HAUS3: variants seen among roughly 807,000 people sequenced by gnomAD.
HAUS3 encodes HAUS augmin like complex subunit 3, also known as HAUS augmin-like complex subunit 3.
Under a neutral mutation model 55.2 loss-of-function variants are expected in HAUS3, and 36 were observed. That is an observed-to-expected ratio of 0.65 (90% CI 0.50 to 0.86). HAUS3 has a LOEUF of 0.86. HAUS3 is among the 40% of genes least tolerant of loss of function. The probability of loss-of-function intolerance (pLI) is 0.00; values close to 1 mark genes in which losing one functional copy is unlikely to be tolerated. For missense variants in HAUS3, 752 were observed against 671.5 expected (o/e 1.12, Z -1.33); for synonymous variants, 234 against 238.6 (o/e 0.98, Z 0.18).
chr4:2,236,876 T>G (rs1445186824), intron 4 of HAUS3, among the ~76,000 whole-genome samples: 1 of 149,010 alleles, frequency 6.7e-6, no homozygotes, highest in Non-Finnish European at 1.5e-5. Context: ...ATAATAATAA[T>G]AATAATTATA....
At chr4:2,241,480 T>G in intron 2 of HAUS3, 40 bp downstream of exon 2, 1 of 985,168 alleles carries the variant, frequency 1.0e-6, no homozygotes, top group Non-Finnish European at 1.2e-6. Flanking sequence ...AAGACGCAAA[T>G]AAGCATGGCA....
rs536485175 is a variant in HAUS3 at position 2,241,465 on chromosome 4, G to A, written c.-148+55C>T. 6 of 981,156 alleles carry A rather than the reference G, an allele frequency of 6.1e-6. No homozygotes were observed. In the Admixed American group the frequency reaches 3.7e-4, roughly 60 times the overall value. 60.8% of individuals were successfully genotyped at this position (981,156 alleles called of 1,614,324 possible). A position where few individuals can be genotyped will look rare whatever the true frequency, so the allele number is the denominator to read the frequency against. On this transcript the variant is annotated intron_variant, in intron 2 of 5. Transcript: ENST00000443786. ...AGCCTCTCTTCCCTGCCCTCCGTAC[G>A]TAAGAAGACGCAAATAAGCATGGCA...
intron 5 of HAUS3, 40 bp downstream of exon 5, chr4:2,236,188 T>C (rs1251622013): frequency 7.8e-7 from 1 of 1,274,930 alleles, no homozygotes; most frequent in Non-Finnish European, 1.1e-6. Context: ...AACAAGCATT[T>C]TTTTAAAAAG....
chr4:2,239,986 C>G lies in HAUS3; in HGVS notation c.909+52G>C, dbSNP rs537694693. The G allele has an allele frequency of 1.6e-5, 22 of 1,388,046 alleles. No individual in the cohort carries two copies. In the Admixed American group the frequency reaches 4.0e-4, roughly 25 times the overall value. 86.0% of individuals were successfully genotyped at this position (1,388,046 alleles called of 1,614,324 possible). On this transcript the variant is annotated intron_variant, in intron 3 of 5. Transcript: ENST00000443786. ...TACTTTAACAGCAATATTATCTCCT[C>G]TATTCCTAACAATAATTACAATGTG...
chr4:2,240,542 CAG>C lies in HAUS3; in HGVS notation c.403_404del (p.Leu135GlufsTer5), dbSNP rs758954408. 3 of 1,613,686 alleles carry C rather than the reference CAG, an allele frequency of 1.9e-6. No individual in the cohort carries two copies. The Admixed American group carries it at 5.0e-5, about 27-fold the overall frequency. ...LMASVTSHKS[L>X]RLNAKEEEAT... ...CTTCTTCTTCTTTAGCATTTAACCTCAGAGATTTGTGGCTAGTTACTGAAGCC... is the reference window on the plus strand; with the variant it reads ...CTTCTTCTTCTTTAGCATTTAACCTCAGATTTGTGGCTAGTTACTGAAGCC... On this transcript the variant is annotated frameshift_variant, in exon 3 of 6. Transcript: ENST00000443786. LOFTEE classifies it high-confidence loss of function.
In HAUS3 at chr4:2,236,284, C is replaced by T; in HGVS notation, c.1522G>A (p.Asp508Asn). The change falls in exon 5 of 6, where the codon GAC becomes AAC. Residue 508 changes from aspartate to asparagine, a missense_variant. By Grantham distance (23) the Asp-to-Asn change is conservative. Transcript: ENST00000443786. ...FFLSKRNKDV[D>N]MLCDTLYQGG... Reference sequence around the variant, plus strand: ...TGATACAAAGTATCACAAAGCATGTCCACATCCTTATTCCGTTTGGACAGA... The same window carrying T: ...TGATACAAAGTATCACAAAGCATGTTCACATCCTTATTCCGTTTGGACAGA... 6.2e-7 allele frequency: 1 copy of T among 1,613,654 alleles called. No homozygotes were observed. Among genetic ancestry groups the T allele is most frequent in the Non-Finnish European group, 8.5e-7 (1 of 1,179,832 alleles).
At position 2,229,218 on chromosome 4, in the gene HAUS3, T is replaced by C; in HGVS notation, c.*2709A>G. On this transcript the variant is annotated 3_prime_UTR_variant, in exon 6 of 6. Transcript: ENST00000443786. ...ACAGAGATCAAAGCCTACCAATGCC[T>C]CATAATTTTCCATTTTCACAAAATC... The C allele has an allele frequency of 6.3e-7, 1 of 1,598,428 alleles. No individual in the cohort carries two copies. The highest frequency in any genetic ancestry group is 8.5e-7 in the Non-Finnish European group (1 of 1,173,540).
chr4:2,237,945 A>T (rs1734824535), intron 4 of HAUS3, among the ~76,000 whole-genome samples: 2 of 152,162 alleles, frequency 1.3e-5, no homozygotes, highest in South Asian at 4.1e-4. Context: ...ATAGATCATA[A>T]TGTCAGTGGT....
chr4:2,231,749 A>G lies in HAUS3; in HGVS notation c.*178T>C. 2.2e-6 allele frequency: 1 copy of G among 462,842 alleles called. No individual in the cohort carries two copies. Among genetic ancestry groups the G allele is most frequent in the Admixed American group, 4.4e-5 (1 of 22,676 alleles). The allele number at this position is 462,842 out of a possible 1,614,324, so 28.7% of individuals were successfully genotyped here. Reference sequence around the variant, plus strand: ...ACTAAACACATGCTCAAGTCATAAAAAGCACTGGTATTCTGAATGTACTAC... The same window carrying G: ...ACTAAACACATGCTCAAGTCATAAAGAGCACTGGTATTCTGAATGTACTAC... On this transcript the variant is annotated 3_prime_UTR_variant, in exon 6 of 6. Coordinates refer to ENST00000443786, the MANE Select transcript of HAUS3 (RefSeq NM_001303143.2).
rs1037447834 is a variant in HAUS3 at position 2,236,230 on chromosome 4, G to C, written c.1576C>G (p.Gln526Glu). 1.3e-6 allele frequency: 2 copies of C among 1,591,576 alleles called. No individual in the cohort carries two copies. ...QGGNQLLLSDQELTEQFHKVE... is the reference protein window; with the variant it reads ...QGGNQLLLSDEELTEQFHKVE... ...TAACTACTATGGCAAATACCCACCT[G>C]ATCACTAAGCAAAAGCTGATTTCCT... The change falls in exon 5 of 6, where the codon CAG becomes GAG. Residue 526 changes from glutamine (Q) to glutamate (E), a missense_variant and splice_region_variant. Coordinates refer to ENST00000443786, the MANE Select transcript of HAUS3 (RefSeq NM_001303143.2).
Position 2,238,911 on chromosome 4 carries a change from T to C in HAUS3, c.1042A>G (p.Asn348Asp), listed in dbSNP as rs760582783. Residue 348 changes from asparagine to aspartate, a missense_variant, in exon 4 of 6, where the codon AAT (asparagine) becomes GAT (aspartate). Physicochemically the swap from Asn to Asp is conservative, Grantham distance 23 (BLOSUM62 1). Transcript: ENST00000443786. ...AAATCTCCCTTTACCACTGGCATAT[T>C]CAATAACTGGGCATTCTCTCTTACC... ...AVVRENAQLL[N>D]MPVVKGDFDL... The C allele has an allele frequency of 6.2e-7, 1 of 1,612,884 alleles. No homozygotes were observed. Among genetic ancestry groups the C allele is most frequent in the Middle Eastern group, 1.7e-4 (1 of 6,056 alleles).
rs1047167811 is a variant in HAUS3, at chr4:2,241,471, A to C, written c.-148+49T>G. On this transcript the variant is annotated intron_variant, in intron 2 of 5. Transcript: ENST00000443786. Reference sequence around the variant, plus strand: ...TCTTCCCTGCCCTCCGTACGTAAGAAGACGCAAATAAGCATGGCACATCTT... The same window carrying C: ...TCTTCCCTGCCCTCCGTACGTAAGACGACGCAAATAAGCATGGCACATCTT... 5.0e-5 allele frequency: 49 copies of C among 984,390 alleles called. No individual in the cohort carries two copies. The Middle Eastern group carries it at 2.6e-3, about 53-fold the overall frequency. 61.0% of individuals were successfully genotyped at this position (984,390 alleles called of 1,614,324 possible).
Position 2,231,059 on chromosome 4 carries a change from G to T in HAUS3, c.*868C>A, listed in dbSNP as rs145650052. On this transcript the variant is annotated 3_prime_UTR_variant, in exon 6 of 6. Transcript: ENST00000443786. ...AGTCAAAGCACTGCTCAGCTGTCTT[G>T]TAGAAACTTTTGAGTCCCCAGAATT... The T allele has an allele frequency of 6.6e-6, 1 of 152,312 alleles. No homozygotes were observed. The highest frequency in any genetic ancestry group is 1.5e-5 in the Non-Finnish European group (1 of 68,032). 9.4% of individuals were successfully genotyped at this position (152,312 alleles called of 1,614,324 possible).
At position 2,238,999 on chromosome 4, in the gene HAUS3, G is replaced by A; in HGVS notation, c.954C>T (p.Thr318=). 6.4e-7 allele frequency: 1 copy of A among 1,554,794 alleles called. No individual in the cohort carries two copies. Among genetic ancestry groups the A allele is most frequent in the Non-Finnish European group, 8.6e-7 (1 of 1,156,248 alleles). The change falls in exon 4 of 6, where the codon ACC becomes ACT. Residue 318 remains threonine (T), a synonymous_variant. Transcript: ENST00000443786. The part of the protein sequence containing the change: ...ENLDAKISSL[T]SEIMKLEKEV... ...CTTTTTCAAGTTTCATAATCTCACTGGTCAAGCTAGAAATTTTAGCATCCA... is the reference window on the plus strand; with the variant it reads ...CTTTTTCAAGTTTCATAATCTCACTAGTCAAGCTAGAAATTTTAGCATCCA...
Position 2,241,707 on chromosome 4 carries a change from G to C in HAUS3, c.-335C>G, listed in dbSNP as rs1734996108. Reference sequence around the variant, plus strand: ...AGGCAGCGGCAAGCCCCAGGGATCCGCGGCCCCAAGGCCGCGATACACCAG... The same window carrying C: ...AGGCAGCGGCAAGCCCCAGGGATCCCCGGCCCCAAGGCCGCGATACACCAG... On this transcript the variant is annotated 5_prime_UTR_variant, in exon 2 of 6. Coordinates refer to ENST00000443786, the MANE Select transcript of HAUS3 (RefSeq NM_001303143.2). The C allele has an allele frequency of 1.0e-6, 1 of 985,490 alleles. No individual in the cohort carries two copies. 61.0% of individuals were successfully genotyped at this position (985,490 alleles called of 1,614,324 possible).
intron 5 of HAUS3, among the ~76,000 whole-genome samples, chr4:2,235,584 T>C (rs1372574353): frequency 6.6e-6 from 1 of 152,222 alleles, no homozygotes; most frequent in Non-Finnish European, 1.5e-5. Context: ...GCTTTACGTG[T>C]ATCAACATGA....
chr4:2,235,263 CTCAATAGA>C (rs1170321941), intron 5 of HAUS3, among the ~76,000 whole-genome samples: 1 of 152,208 alleles, frequency 6.6e-6, no homozygotes, highest in South Asian at 2.1e-4. Flanking sequence ...TTACACAATT[CTCAATAGA>C]TCAAGAAGAC....
intron 5 of HAUS3, among the ~76,000 whole-genome samples, chr4:2,232,951 G>A (rs1232387756): frequency 6.6e-6 from 1 of 151,960 alleles, no homozygotes; most frequent in Non-Finnish European, 1.5e-5. Flanking sequence ...ATTATCTGAG[G>A]TACTTGTTAT....
Position 2,239,002 on chromosome 4 carries a change from CA to C in HAUS3, c.950del (p.Leu317Ter). 6.4e-7 allele frequency: 1 copy of C among 1,554,026 alleles called. No individual in the cohort carries two copies. ...TTTCAAGTTTCATAATCTCACTGGT[CA>C]AGCTAGAAATTTTAGCATCCAAATT... ...KENLDAKISS[L>X]TSEIMKLEKE... On this transcript the variant is annotated frameshift_variant, in exon 4 of 6. Coordinates refer to ENST00000443786, the MANE Select transcript of HAUS3 (RefSeq NM_001303143.2). LOFTEE classifies it high-confidence loss of function.
Sources: gnomAD v4.1 joint callset for allele counts (sites outside exome capture counted in the v4.1 genomes callset) on GRCh38, gnomAD v4.1.1 for gene constraint, MANE v1.5 for transcripts, NCBI Gene and HGNC (gene_info 2026-07-23, HGNC 2026-07-21) for gene names.